HUWE1: variants seen among roughly 807,000 people sequenced by gnomAD.
HUWE1 encodes E3 ubiquitin-protein ligase HUWE1.
In HUWE1, 18 loss-of-function variants were observed where a neutral mutation model predicts 299.4. That is an observed-to-expected ratio of 0.06 (90% CI 0.04 to 0.09). The LOEUF is 0.09. Ranked by LOEUF, HUWE1 falls within the 10% of genes least tolerant of loss-of-function variation. The probability of loss-of-function intolerance (pLI) is 1.00; values close to 1 mark genes in which losing one functional copy is unlikely to be tolerated. For synonymous variants in HUWE1, 1,317 were observed against 1,286.1 expected (o/e 1.02, Z -0.51); for missense variants, 1,832 against 3,462.3 (o/e 0.53, Z 11.82).
Position 53,552,812 on chromosome X carries a change from G to A in HUWE1, c.8576C>T (p.Thr2859Ile). The change falls in exon 62 of 84, where the codon ACA becomes ATA. Residue 2859 changes from threonine to isoleucine, a missense_variant. Around this residue, in one of 15 missense-constraint regions of HUWE1, gnomAD observed 143 missense variants for 148.1 expected, o/e 0.97. Coordinates refer to ENST00000262854, the MANE Select transcript of HUWE1 (RefSeq NM_031407.7). ...TAAGGTACAGGAAGCCAGGCTGCTT[G>A]TATCCATAGGAGAGCCTTCTAGCTG... ...SSQLEGSPMDTSSLASCTLEE... is the reference protein window; with the variant it reads ...SSQLEGSPMDISSLASCTLEE... 1 of 1,211,352 alleles carries A rather than the reference G, an allele frequency of 8.3e-7. No individual in the cohort carries two copies. The highest frequency in any genetic ancestry group is 1.1e-6 in the Non-Finnish European group (1 of 895,122).
intron 77 of HUWE1, among the ~76,000 whole-genome samples, chrX:53,538,022 C>T (rs782140053): frequency 9.0e-6 from 1 of 111,704 alleles, no homozygotes; most frequent in East Asian, 2.8e-4. Flanking sequence ...CCCCTGGAAC[C>T]CTGCTGTGTG....
At chrX:53,578,421 C>T (rs1390047315) in intron 43 of HUWE1, among the ~76,000 whole-genome samples, 7 of 92,498 alleles carry the variant, frequency 7.6e-5, no homozygotes, top group Non-Finnish European at 1.3e-4. Flanking sequence ...TCTGCCCGGC[C>T]GCCCCTACTG....
rs782644676 is a variant in HUWE1, at chrX:53,539,478, T to G, written c.11632+179A>C. Among the ~76,000 whole-genome samples, 41 of 111,769 alleles carry G rather than the reference T, an allele frequency of 3.7e-4. No individual in the cohort carries two copies. The South Asian group carries it at 5.2e-3, about 14-fold the overall frequency. On this transcript the variant is annotated intron_variant, in intron 75 of 83. Transcript: ENST00000262854. Reference sequence around the variant, plus strand: ...CTATAAAGTGAAAGACACCAACTATTAAAAGAGAAGGTCAATCTTTTTTAT... The same window carrying G: ...CTATAAAGTGAAAGACACCAACTATGAAAAGAGAAGGTCAATCTTTTTTAT...
At chrX:53,663,921 T>G (rs1165880563) in intron 3 of HUWE1, among the ~76,000 whole-genome samples, 1 of 111,060 alleles carries the variant, frequency 9.0e-6, no homozygotes, top group Non-Finnish European at 1.9e-5. Flanking sequence ...ATACACATTA[T>G]TAGTAGTTGG....
chrX:53,544,850 G>A, intron 71 of HUWE1, 88 bp from the exon 72 acceptor site: 2 of 942,948 alleles, frequency 2.1e-6, no homozygotes, highest in African/African-American at 1.9e-5. Flanking sequence ...GTCAACCAGA[G>A]GGGTAAGGAA....
intron 23 of HUWE1, among the ~76,000 whole-genome samples, chrX:53,611,807 G>C (rs1196635364): frequency 9.2e-6 from 1 of 108,124 alleles, no homozygotes; most frequent in Non-Finnish European, 1.9e-5. Flanking sequence ...GCAGTGAGCT[G>C]AGCTCGTGCC....
At position 53,580,883 on chromosome X, in the gene HUWE1, C is replaced by T; in HGVS notation, c.5664G>A (p.Val1888=). 2 of 1,211,472 alleles carry T rather than the reference C, an allele frequency of 1.7e-6. No homozygotes were observed. Among genetic ancestry groups the T allele is most frequent in the Non-Finnish European group, 2.2e-6 (2 of 895,370 alleles). The part of the protein sequence containing the change: ...ACRNPDIFTE[V]ANCCIRIALP... ...GGGCGATGCGGATACAGCAGTTGGC[C>T]ACTTCTGTGAATATGTCTGGATTGC... The change falls in exon 43 of 84, where the codon GTG becomes GTA. Residue 1888 remains valine (V), a synonymous_variant. Transcript: ENST00000262854.
intron 3 of HUWE1, among the ~76,000 whole-genome samples, chrX:53,654,412 T>TTTCA (rs1225405972): frequency 1.8e-5 from 2 of 111,958 alleles, no homozygotes; most frequent in African/African-American, 6.5e-5. Context: ...CTCAAACTCT[T>TTTCA]AATTGAAAAT....
intron 52 of HUWE1, 78 bp downstream of exon 52, chrX:53,563,668 G>T: frequency 9.3e-7 from 1 of 1,079,864 alleles, no homozygotes. Flanking sequence ...AGCTGAGCAA[G>T]CAGATGATGA....
At chrX:53,543,628 G>GT in intron 73 of HUWE1, 1 of 509,795 alleles carries the variant, frequency 2.0e-6, no homozygotes, top group Non-Finnish European at 3.2e-6. Flanking sequence ...TGGGAGTGGG[G>GT]TATGATGGCC....
At chrX:53,646,125 T>C (rs960390178) in intron 6 of HUWE1, among the ~76,000 whole-genome samples, 1 of 110,845 alleles carries the variant, frequency 9.0e-6, no homozygotes, top group African/African-American at 3.3e-5. Flanking sequence ...GTACAGTATA[T>C]GCTCATAAGG....
At chrX:53,554,063 G>C (rs2061888175) in intron 61 of HUWE1, among the ~76,000 whole-genome samples, 1 of 111,122 alleles carries the variant, frequency 9.0e-6, no homozygotes, top group Admixed American at 9.6e-5. Context: ...AGTGTGGGAT[G>C]ACATGCTTGC....
At chrX:53,544,870 G>A in intron 71 of HUWE1, 108 bp from the exon 72 acceptor site, 1 of 916,217 alleles carries the variant, frequency 1.1e-6, no homozygotes, top group Non-Finnish European at 1.6e-6. Context: ...AACTCAGAAG[G>A]AAATCTTCCA....
intron 57 of HUWE1, 57 bp downstream of exon 57, chrX:53,559,297 G>C (rs2062176468): frequency 3.3e-5 from 37 of 1,138,205 alleles, no homozygotes; most frequent in Non-Finnish European, 4.5e-5. Context: ...CTTTTCCTCA[G>C]CAGGGAAAAA....
intron 51 of HUWE1, 113 bp downstream of exon 51, chrX:53,564,461 G>A (rs2062436588): frequency 3.4e-6 from 3 of 884,322 alleles, no homozygotes; most frequent in Non-Finnish European, 4.8e-6. Flanking sequence ...ATGCTCCTCT[G>A]CAAAGCAGCC....
At chrX:53,548,416 T>A (rs922416781) in intron 67 of HUWE1, 143 bp from the exon 68 acceptor site, 25 of 707,033 alleles carry the variant, frequency 3.5e-5, no homozygotes, top group Non-Finnish European at 4.4e-5. Flanking sequence ...AAGAGTTTTA[T>A]CCAACAGACA....
chrX:53,605,905 C>T (rs782256556), intron 25 of HUWE1, among the ~76,000 whole-genome samples: 27 of 111,223 alleles, frequency 2.4e-4, no homozygotes, highest in Middle Eastern at 9.3e-3. Flanking sequence ...GGTACCAAGA[C>T]CATGCAATAG....
chrX:53,546,994 G>C (rs1020992123), intron 68 of HUWE1, among the ~76,000 whole-genome samples, 169 bp from the exon 69 acceptor site: 30 of 112,029 alleles, frequency 2.7e-4, no homozygotes, highest in African/African-American at 7.5e-4. Context: ...GATGATAAAG[G>C]CTTTTTATTT....
intron 78 of HUWE1, chrX:53,537,188 C>CCT (rs1413405904): frequency 3.6e-6 from 1 of 275,108 alleles, no homozygotes; most frequent in African/African-American, 2.8e-5. Flanking sequence ...CTGCTGATCT[C>CCT]CTCTAGGTGG....
Sources: gnomAD v4.1 joint callset for allele counts (sites outside exome capture counted in the v4.1 genomes callset) on GRCh38, gnomAD v4.1.1 for gene constraint, gnomAD v4.1.1 regional missense constraint, MANE v1.5 for transcripts, NCBI Gene and HGNC (gene_info 2026-07-23, HGNC 2026-07-21) for gene names.